Variants in IL1RAPL2 observed in about 807,000 individuals in gnomAD.
IL1RAPL2 encodes the protein interleukin 1 receptor accessory protein like 2, also known as X-linked interleukin-1 receptor accessory protein-like 2.
In IL1RAPL2, 3 loss-of-function variants were observed where a neutral mutation model predicts 44.1. The observed-to-expected ratio is 0.07, with a 90% CI of 0.03 to 0.18. The LOEUF (loss-of-function observed/expected upper bound fraction) is 0.18, where lower values mean the gene tolerates loss of function less well. Among genes scored for constraint, IL1RAPL2 ranks in the 10% least tolerant of loss-of-function variants. IL1RAPL2 has a pLI of 1.00. For missense variants in IL1RAPL2, 391 were observed against 496.4 expected (o/e 0.79, Z 2.02); for synonymous variants, 181 against 178.8 (o/e 1.01, Z -0.10).
intron 3 of IL1RAPL2, chrX:105,219,515 G>A (rs1173900596): frequency 4.1e-6 from 5 of 1,206,992 alleles, no homozygotes; most frequent in East Asian, 5.9e-5. Flanking sequence ...GCCTCCACGT[G>A]GGGGAACTGG....
intron 2 of IL1RAPL2, among the ~76,000 whole-genome samples, chrX:105,031,366 T>C (rs1473242777): frequency 9.1e-6 from 1 of 110,276 alleles, no homozygotes; most frequent in Non-Finnish European, 1.9e-5. Context: ...TTCAGTATGA[T>C]ATTGGCTGTG....
chrX:105,002,817 G>T (rs766879299), intron 2 of IL1RAPL2, among the ~76,000 whole-genome samples: 1 of 110,802 alleles, frequency 9.0e-6, no homozygotes, highest in African/African-American at 3.3e-5. Context: ...AAAGAAAATT[G>T]ATCTGTGACG....
In IL1RAPL2 at chrX:105,740,658, C is replaced by A; in HGVS notation, c.1015C>A (p.Arg339=). The part of the protein sequence containing the change: ...YTCHVENRNG[R]KHASVLLRKK... ...CTGCCATGTTGAAAACCGAAATGGACGGAAACATGCCAGTGTTTTGCTGCG... is the reference window on the plus strand; with the variant it reads ...CTGCCATGTTGAAAACCGAAATGGAAGGAAACATGCCAGTGTTTTGCTGCG... The change falls in exon 8 of 11, where the codon CGG becomes AGG. Residue 339 remains arginine, a synonymous_variant. Transcript: ENST00000372582. The A allele has an allele frequency of 8.3e-7, 1 of 1,208,406 alleles. No homozygotes were observed. The highest frequency in any genetic ancestry group is 1.1e-6 in the Non-Finnish European group (1 of 893,328).
intron 2 of IL1RAPL2, among the ~76,000 whole-genome samples, chrX:104,686,159 G>A (rs1387050121): frequency 1.8e-5 from 2 of 110,740 alleles, no homozygotes; most frequent in Non-Finnish European, 3.8e-5. Flanking sequence ...AGAACATTTT[G>A]TGTATTTAAG....
chrX:105,687,404 C>T (rs1406984578), intron 6 of IL1RAPL2, among the ~76,000 whole-genome samples: 3 of 110,884 alleles, frequency 2.7e-5, no homozygotes, highest in Non-Finnish European at 5.7e-5. Flanking sequence ...ATATCACCAC[C>T]GATCCCGCAG....
chrX:104,748,347 A>T (rs976658500), intron 2 of IL1RAPL2, among the ~76,000 whole-genome samples: 2 of 111,815 alleles, frequency 1.8e-5, no homozygotes, highest in African/African-American at 3.2e-5. Flanking sequence ...ATTTCTTGAA[A>T]CTGAAAGAAA....
chrX:105,076,693 T>G (rs1602939263), intron 2 of IL1RAPL2, among the ~76,000 whole-genome samples: 1 of 111,563 alleles, frequency 9.0e-6, no homozygotes, highest in East Asian at 2.8e-4. Context: ...TCTTTGTAGG[T>G]CACTAAGGAC....
intron 10 of IL1RAPL2, among the ~76,000 whole-genome samples, chrX:105,761,568 A>G (rs1813613271): frequency 2.7e-5 from 3 of 111,747 alleles, no homozygotes; most frequent in African/African-American, 9.8e-5. Flanking sequence ...TGTAGGCTTG[A>G]TTTTAGGTCT....
At chrX:104,987,939 C>T (rs939478029) in intron 2 of IL1RAPL2, among the ~76,000 whole-genome samples, 13 of 111,691 alleles carry the variant, frequency 1.2e-4, no homozygotes, top group Admixed American at 2.9e-4. Flanking sequence ...CAGTGTTTTT[C>T]TTTCTAAATG....
intron 6 of IL1RAPL2, among the ~76,000 whole-genome samples, chrX:105,572,663 T>C (rs2037022748): frequency 9.9e-6 from 1 of 100,919 alleles, no homozygotes; most frequent in African/African-American, 3.3e-5. Flanking sequence ...TCTTTGTTTT[T>C]GTAAATAAAG....
intron 4 of IL1RAPL2, among the ~76,000 whole-genome samples, chrX:105,265,633 T>C (rs890620620): frequency 1.8e-5 from 2 of 111,799 alleles, no homozygotes; most frequent in Admixed American, 1.9e-4. Flanking sequence ...GTGTGGGTAG[T>C]TGTATTGAAC....
chrX:105,164,224 G>A (rs1395379788), intron 2 of IL1RAPL2, among the ~76,000 whole-genome samples: 1 of 111,494 alleles, frequency 9.0e-6, no homozygotes, highest in Non-Finnish European at 1.9e-5. Flanking sequence ...ATTCTTCTTT[G>A]AATGAGAGAT....
intron 2 of IL1RAPL2, among the ~76,000 whole-genome samples, chrX:105,073,182 T>A (rs1252279280): frequency 1.2e-5 from 1 of 86,782 alleles, no homozygotes; most frequent in Non-Finnish European, 2.3e-5. Context: ...CTCCTAATGC[T>A]ATCCCTCCCC....
intron 2 of IL1RAPL2, among the ~76,000 whole-genome samples, chrX:104,688,939 G>C (rs1027529767): frequency 9.0e-6 from 1 of 111,545 alleles, no homozygotes; most frequent in Non-Finnish European, 1.9e-5. Context: ...CATTACAACT[G>C]TTGTTTCCCA....
intron 1 of IL1RAPL2, among the ~76,000 whole-genome samples, chrX:104,584,685 T>C (rs1258734839): frequency 9.0e-6 from 1 of 111,310 alleles, no homozygotes; most frequent in Non-Finnish European, 1.9e-5. Context: ...TGACATTTCC[T>C]ATCCAAGGTC....
chrX:105,345,854 A>T (rs935088780), intron 5 of IL1RAPL2, among the ~76,000 whole-genome samples: 1 of 112,046 alleles, frequency 8.9e-6, no homozygotes, highest in Non-Finnish European at 1.9e-5. Context: ...AAGCACAGGA[A>T]TAGACTTAAG....
intron 2 of IL1RAPL2, among the ~76,000 whole-genome samples, chrX:105,086,715 TG>T (rs2032484324): frequency 1.8e-5 from 2 of 110,290 alleles, no homozygotes; most frequent in Non-Finnish European, 3.8e-5. Flanking sequence ...TGTGTGTGTG[TG>T]TGTGTGTGTG....
intron 2 of IL1RAPL2, among the ~76,000 whole-genome samples, chrX:104,971,345 C>G (rs1162124402): frequency 1.8e-5 from 2 of 110,902 alleles, no homozygotes; most frequent in Non-Finnish European, 3.8e-5. Flanking sequence ...GAGACTCTGT[C>G]TCAAAAAATA....
chrX:104,824,141 TA>T (rs1325398470), intron 2 of IL1RAPL2, among the ~76,000 whole-genome samples: 2 of 112,344 alleles, frequency 1.8e-5, no homozygotes, highest in Non-Finnish European at 3.8e-5. Flanking sequence ...TCAATTGAGA[TA>T]ATCATGTGGT....
Sources: gnomAD v4.1 joint callset for allele counts (sites outside exome capture counted in the v4.1 genomes callset) on GRCh38, gnomAD v4.1.1 for gene constraint, MANE v1.5 for transcripts, NCBI Gene and HGNC (gene_info 2026-07-23, HGNC 2026-07-21) for gene names.